The following UGT1A7 variants were observed in gnomAD, a reference collection of about 807,000 sequenced individuals.
UGT1A7 encodes the protein UDP glucuronosyltransferase family 1 member A7, also known as UDP-glucuronosyltransferase 1A7.
Under a neutral mutation model 45.6 loss-of-function variants are expected in UGT1A7, and 33 were observed. That is an observed-to-expected ratio of 0.72 (90% confidence interval 0.55 to 0.97). The LOEUF (loss-of-function observed/expected upper bound fraction) is 0.97, where lower values mean the gene tolerates loss of function less well. UGT1A7 is among the 50% of genes least tolerant of loss of function. UGT1A7 has a pLI of 0.00. For missense variants in UGT1A7, 684 were observed against 666.2 expected (o/e 1.03, Z -0.29); for synonymous variants, 274 against 250.6 (o/e 1.09, Z -0.88).
At chr2:233,759,349 A>T (rs900901642) in intron 1 of UGT1A7, among the ~76,000 whole-genome samples, 3 of 152,146 alleles carry the variant, frequency 2.0e-5, no homozygotes, top group African/African-American at 4.8e-5. Flanking sequence ...GAGCGCTGAA[A>T]ATCTCAACTA....
chr2:233,717,558 G>A (rs1360566247), intron 1 of UGT1A7, among the ~76,000 whole-genome samples: 1 of 152,238 alleles, frequency 6.6e-6, no homozygotes, highest in Non-Finnish European at 1.5e-5. Context: ...AGCAATGGCA[G>A]ACATGGCCAG....
intron 1 of UGT1A7, chr2:233,717,688 G>A: frequency 2.3e-6 from 1 of 441,794 alleles, no homozygotes; most frequent in South Asian, 1.6e-5. Flanking sequence ...ATGTAGGAGT[G>A]ACTTTCTGGA....
At chr2:233,714,266 G>A (rs374255632) in intron 1 of UGT1A7, among the ~76,000 whole-genome samples, 1 of 152,208 alleles carries the variant, frequency 6.6e-6, no homozygotes, top group African/African-American at 2.4e-5. Flanking sequence ...ATTTACAATT[G>A]TTGACGTGAC....
chr2:233,756,018 C>T (rs900872393), intron 1 of UGT1A7: 6 of 152,198 alleles, frequency 3.9e-5, no homozygotes, highest in African/African-American at 1.4e-4. Context: ...TGTGATATTA[C>T]ACATCCCCCA....
intron 1 of UGT1A7, among the ~76,000 whole-genome samples, chr2:233,732,830 G>GT (rs1465504396): frequency 3.4e-5 from 5 of 148,534 alleles, no homozygotes; most frequent in African/African-American, 1.0e-4. Context: ...CTTTAAAGTA[G>GT]TTTTTTCCAA....
intron 1 of UGT1A7, among the ~76,000 whole-genome samples, chr2:233,742,214 A>C (rs1413606991): frequency 6.6e-6 from 1 of 151,982 alleles, no homozygotes; most frequent in African/African-American, 2.4e-5. Context: ...CACAGCCTTC[A>C]GGGCTGAGAG....
intron 1 of UGT1A7, among the ~76,000 whole-genome samples, chr2:233,695,452 C>T (rs114490104): frequency 7.8e-4 from 118 of 151,598 alleles, no homozygotes; most frequent in African/African-American, 2.4e-3. Flanking sequence ...TTTTGATCAA[C>T]GTGCTTTATT....
At chr2:233,747,242 T>G in intron 1 of UGT1A7, 1 of 1,603,440 alleles carries the variant, frequency 6.2e-7, no homozygotes. Context: ...GTTCCCCTGC[T>G]GTGGCTGGCC....
intron 1 of UGT1A7, among the ~76,000 whole-genome samples, chr2:233,710,386 G>A (rs1450809479): frequency 2.0e-5 from 3 of 152,194 alleles, no homozygotes; most frequent in Non-Finnish European, 2.9e-5. Flanking sequence ...TAACAGCAAC[G>A]CATTAGAGTT....
Position 233,718,873 on chromosome 2 carries a change from T to A in UGT1A7, c.855+36081T>A, listed in dbSNP as rs139927449. ...CCGCGGCTGGCCACAGGACTGCTGC[T>A]CCTCCTCAGTGTCCAGCCCTGGGCT... On this transcript the variant is annotated intron_variant, in intron 1 of 4. Transcript: ENST00000373426. 339 of 1,613,914 alleles carry A rather than the reference T, an allele frequency of 2.1e-4. 1 individual carries two copies. Among genetic ancestry groups the A allele is most frequent in the Non-Finnish European group, 8.0e-5 (94 of 1,179,916 alleles).
At chr2:233,732,936 C>G (rs2078338075) in intron 1 of UGT1A7, among the ~76,000 whole-genome samples, 1 of 152,082 alleles carries the variant, frequency 6.6e-6, no homozygotes, top group African/African-American at 2.4e-5. Flanking sequence ...TTCTTCCTAT[C>G]CATGAGCATG....
At chr2:233,738,529 A>G (rs1383931470) in intron 1 of UGT1A7, among the ~76,000 whole-genome samples, 2 of 152,226 alleles carry the variant, frequency 1.3e-5, no homozygotes, top group African/African-American at 4.8e-5. Context: ...TGGACAATGA[A>G]GTCCAGGCTG....
At chr2:233,725,279 GGCA>G (rs367576193) in intron 1 of UGT1A7, among the ~76,000 whole-genome samples, 53 of 44,274 alleles carry the variant, frequency 1.2e-3, no homozygotes, top group East Asian at 6.1e-3. Flanking sequence ...CAGAGGCAGA[GGCA>G]GAGGCAGAGG....
Position 233,743,742 on chromosome 2 carries a change from C to A in UGT1A7, c.856-23292C>A, listed in dbSNP as rs377755645. 6 of 1,367,276 alleles carry A rather than the reference C, an allele frequency of 4.4e-6. No individual in the cohort carries two copies. The Admixed American group carries it at 1.1e-4, about 26-fold the overall frequency. The allele number at this position is 1,367,276 out of a possible 1,614,324, so 84.7% of individuals were successfully genotyped here. ...CGGTCATAGATATCGCGTTTCTTGG[C>A]GTCCGACAACACCTCGTAGGCCTCG... On this transcript the variant is annotated intron_variant, in intron 1 of 4. Coordinates refer to ENST00000373426, the MANE Select transcript of UGT1A7 (RefSeq NM_019077.3).
At chr2:233,768,577 TTCTTC>T in intron 4 of UGT1A7, 138 bp downstream of exon 4, 1 of 1,379,982 alleles carries the variant, frequency 7.2e-7, no homozygotes, top group Non-Finnish European at 9.4e-7. Context: ...GGATTTTTAT[TTCTTC>T]TTTTTTTTTT....
chr2:233,749,994 T>C (rs551997072), intron 1 of UGT1A7, among the ~76,000 whole-genome samples: 1 of 151,898 alleles, frequency 6.6e-6, no homozygotes, highest in South Asian at 2.1e-4. Context: ...GACTAATATA[T>C]TAAATTGGTG....
At position 233,682,693 on chromosome 2, in the gene UGT1A7, G is replaced by A. The variant is rs17864686; in HGVS notation, c.756G>A (p.Leu252=). The A allele has an allele frequency of 0.21, 340,870 of 1,613,738 alleles. 37,223 individuals are homozygous for A. Among genetic ancestry groups the A allele is most frequent in the Non-Finnish European group, 0.23 (267,951 of 1,179,798 alleles). Reference sequence around the variant, plus strand: ...TCTACAGCCACACATCAATTTGGTTGTTGCGAACTGACTTTGTTTTGGAGT... The same window carrying A: ...TCTACAGCCACACATCAATTTGGTTATTGCGAACTGACTTTGTTTTGGAGT... ...YDLYSHTSIW[L]LRTDFVLEYP... is the part of the protein sequence containing the mutation. Residue 252 remains leucine (L), a synonymous_variant, in exon 1 of 5, where the codon TTG becomes TTA. Transcript: ENST00000373426.
chr2:233,724,371 C>T (rs1285685419), intron 1 of UGT1A7, among the ~76,000 whole-genome samples: 4 of 147,620 alleles, frequency 2.7e-5, no homozygotes, highest in African/African-American at 1.0e-4. Flanking sequence ...GACGGGGTGG[C>T]TGCCGGGCGG....
intron 1 of UGT1A7, among the ~76,000 whole-genome samples, chr2:233,707,484 T>TA (rs1234449906): frequency 6.6e-6 from 1 of 152,176 alleles, no homozygotes; most frequent in Admixed American, 6.5e-5. Context: ...CAGATGATTT[T>TA]ACCTGTTTCG....
Sources: gnomAD v4.1 joint callset for allele counts (sites outside exome capture counted in the v4.1 genomes callset) on GRCh38, gnomAD v4.1.1 for gene constraint, MANE v1.5 for transcripts, NCBI Gene and HGNC (gene_info 2026-07-23, HGNC 2026-07-21) for gene names.